GP6: variants seen among roughly 807,000 people sequenced by gnomAD.
The protein encoded by GP6 is platelet glycoprotein VI.
In GP6, 45 loss-of-function variants were observed where a neutral mutation model predicts 37.3. That is an observed-to-expected ratio of 1.21 (90% CI 0.95 to 1.55). The LOEUF (loss-of-function observed/expected upper bound fraction) is 1.55. GP6 is among the 40% of genes most tolerant of loss of function. The probability of loss-of-function intolerance (pLI) is 0.00; values close to 1 mark genes in which losing one functional copy is unlikely to be tolerated. For missense variants in GP6, 813 were observed against 760.2 expected (o/e 1.07, Z -0.82); for synonymous variants, 340 against 316.4 (o/e 1.07, Z -0.79).
chr19:55,022,280 CG>C (rs1206229174), intron 5 of GP6, among the ~76,000 whole-genome samples: 4 of 152,084 alleles, frequency 2.6e-5, no homozygotes, highest in African/African-American at 9.7e-5. Flanking sequence ...TTATAGTTTT[CG>C]GGTTTTGCAT....
chr19:55,024,251 A>G (rs542409590), intron 5 of GP6, among the ~76,000 whole-genome samples: 1 of 56,114 alleles, frequency 1.8e-5, no homozygotes, highest in South Asian at 4.8e-4. Context: ...TTCAGTCAGA[A>G]GCACACGCAC....
intron 3 of GP6, among the ~76,000 whole-genome samples, chr19:55,028,774 T>A (rs544179391): frequency 6.6e-6 from 1 of 152,326 alleles, no homozygotes; most frequent in South Asian, 2.1e-4. Context: ...GAACCTACAC[T>A]ACTCTGATGT....
At chr19:55,023,567 C>G (rs894606644) in intron 5 of GP6, among the ~76,000 whole-genome samples, 1 of 152,182 alleles carries the variant, frequency 6.6e-6, no homozygotes, top group East Asian at 1.9e-4. Context: ...ACAGCTACCC[C>G]CTCTTTGCCT....
chr19:55,018,625 C>G (rs2073962062), intron 6 of GP6, 27 bp downstream of exon 6: 1 of 1,353,706 alleles, frequency 7.4e-7, no homozygotes, highest in African/African-American at 1.4e-5. Flanking sequence ...CTCCTTTCTG[C>G]TGAGCATGAA....
chr19:55,022,293 C>T (rs1235771536), intron 5 of GP6, among the ~76,000 whole-genome samples: 3 of 152,060 alleles, frequency 2.0e-5, no homozygotes, highest in African/African-American at 4.8e-5. Flanking sequence ...GTTTTGCATC[C>T]AAGTCTTTCA....
At chr19:55,016,140 CA>C (rs1274410402) in intron 6 of GP6, among the ~76,000 whole-genome samples, 142 of 131,538 alleles carry the variant, frequency 1.1e-3, no homozygotes, top group Middle Eastern at 7.6e-3. Context: ...AGACCCTGTC[CA>C]AAAAAAAAAA....
chr19:55,036,564 T>C (rs969239243), intron 1 of GP6, among the ~76,000 whole-genome samples: 2 of 151,678 alleles, frequency 1.3e-5, no homozygotes, highest in African/African-American at 4.9e-5. Context: ...CCAGGCATGA[T>C]GGTGTACAAC....
At chr19:55,021,666 G>T (rs1270451387) in intron 5 of GP6, among the ~76,000 whole-genome samples, 2 of 151,126 alleles carry the variant, frequency 1.3e-5, no homozygotes, top group African/African-American at 2.4e-5. Context: ...GACTACAGGC[G>T]CCCGCCACCA....
intron 1 of GP6, among the ~76,000 whole-genome samples, chr19:55,035,777 T>C (rs1457233919): frequency 6.6e-6 from 1 of 151,294 alleles, no homozygotes; most frequent in Non-Finnish European, 1.5e-5. Context: ...TTAAAAGGAG[T>C]GAAATAATGT....
intron 3 of GP6, among the ~76,000 whole-genome samples, chr19:55,029,389 TTTTTTTTTTTTTTTTTTG>T (rs2074474103): frequency 1.4e-5 from 1 of 69,174 alleles, no homozygotes; most frequent in African/African-American, 7.3e-5. Flanking sequence ...TTTTTTTTTT[TTTTTTTTTTTTTTTTTTG>T]GGAAACAGAA....
At chr19:55,032,109 A>G in intron 3 of GP6, 30 bp downstream of exon 3, 1 of 1,610,158 alleles carries the variant, frequency 6.2e-7, no homozygotes, top group Non-Finnish European at 8.5e-7. Flanking sequence ...AGGACCACGC[A>G]GTCCCAGGCT....
chr19:55,019,123 T>TTTTG (rs2073983558), intron 5 of GP6, among the ~76,000 whole-genome samples: 1 of 149,290 alleles, frequency 6.7e-6, no homozygotes, highest in Admixed American at 6.6e-5. Context: ...TTTTTTTTTT[T>TTTTG]GAGACAGAGT....
intron 5 of GP6, among the ~76,000 whole-genome samples, chr19:55,019,967 C>T (rs1315600946): frequency 5.3e-5 from 8 of 152,154 alleles, no homozygotes; most frequent in Admixed American, 1.3e-4. Context: ...CGTGAGCCAC[C>T]GCGCCCGGCC....
In GP6 at chr19:55,032,149, G is replaced by T. The variant is rs374599974; in HGVS notation, c.315C>A (p.Leu105=). 1 of 1,613,744 alleles carries T rather than the reference G, an allele frequency of 6.2e-7. No individual in the cohort carries two copies. The highest frequency in any genetic ancestry group is 1.7e-4 in the Middle Eastern group (1 of 5,996). The change falls in exon 3 of 8, where the codon CTC becomes CTA. Residue 105 remains leucine (L), a synonymous_variant. Transcript: ENST00000310373. ...TCCCCCTTCCTTTACCCGTGGCAAC[G>T]AGCTCCAGCTGGTCGCTGGGCAGGG... is the stretch of plus-strand genomic sequence containing the variant.
intron 1 of GP6, among the ~76,000 whole-genome samples, chr19:55,037,082 TCA>T (rs1011593583): frequency 2.0e-5 from 3 of 152,172 alleles, no homozygotes; most frequent in African/African-American, 7.2e-5. Flanking sequence ...TTGTTTATAT[TCA>T]CAGTTAACCC....
intron 5 of GP6, among the ~76,000 whole-genome samples, chr19:55,022,621 G>A (rs1020869652): frequency 3.9e-5 from 6 of 152,138 alleles, no homozygotes; most frequent in Non-Finnish European, 1.5e-5. Context: ...CATCATCTCA[G>A]CCCAAAAGTT....
At chr19:55,021,073 G>A (rs1212440907) in intron 5 of GP6, among the ~76,000 whole-genome samples, 4 of 123,516 alleles carry the variant, frequency 3.2e-5, no homozygotes, top group African/African-American at 1.1e-4. Flanking sequence ...AAAAAAAAAA[G>A]GTGGCCCTGG....
intron 1 of GP6, among the ~76,000 whole-genome samples, chr19:55,035,498 C>G (rs2074795352): frequency 6.6e-6 from 1 of 152,148 alleles, no homozygotes; most frequent in Non-Finnish European, 1.5e-5. Context: ...GGGCGGATCA[C>G]CTGAAGTCAG....
chr19:55,022,281 G>A (rs1348790650), intron 5 of GP6, among the ~76,000 whole-genome samples: 2 of 152,018 alleles, frequency 1.3e-5, no homozygotes, highest in Non-Finnish European at 2.9e-5. Flanking sequence ...TATAGTTTTC[G>A]GGTTTTGCAT....
Sources: gnomAD v4.1 joint callset for allele counts (sites outside exome capture counted in the v4.1 genomes callset) on GRCh38, gnomAD v4.1.1 for gene constraint, MANE v1.5 for transcripts, NCBI Gene and HGNC (gene_info 2026-07-23, HGNC 2026-07-21) for gene names.